KCNIP4: variants seen among roughly 807,000 people sequenced by gnomAD.
KCNIP4 encodes potassium voltage-gated channel interacting protein 4.
KCNIP4 carries 12 observed loss-of-function variants against 34.0 expected under a neutral mutation model. The observed-to-expected ratio is 0.35, with a 90% CI of 0.23 to 0.57. KCNIP4 has a LOEUF of 0.57. KCNIP4 is among the 20% of genes least tolerant of loss of function. The pLI, the probability that KCNIP4 is intolerant of heterozygous loss-of-function variation, is 0.83. For synonymous variants in KCNIP4, 124 were observed against 102.2 expected, an observed-to-expected ratio of 1.21 and a Z score of -1.29; for missense variants, 238 against 311.7, an observed-to-expected ratio of 0.76 and a Z score of 1.78.
chr4:20,921,230 G>A (rs191492041), intron 1 of KCNIP4, among the ~76,000 whole-genome samples: 14 of 152,250 alleles, frequency 9.2e-5, no homozygotes, highest in African/African-American at 2.2e-4. Flanking sequence ...CTAAGTTGAC[G>A]CCAATGTTTA....
intron 3 of KCNIP4, among the ~76,000 whole-genome samples, chr4:20,789,331 A>G (rs1578622768): frequency 6.6e-6 from 1 of 152,168 alleles, no homozygotes; most frequent in African/African-American, 2.4e-5. Context: ...AATTTGTCTC[A>G]TATAACAAAT....
intron 5 of KCNIP4, among the ~76,000 whole-genome samples, chr4:20,745,252 T>G (rs1018543869): frequency 1.3e-5 from 2 of 152,186 alleles, no homozygotes; most frequent in African/African-American, 4.8e-5. Context: ...TTCTAGTATT[T>G]GTGAACAAAA....
At chr4:20,882,497 A>T (rs1016009389) in intron 2 of KCNIP4, 111 bp downstream of exon 2, 6 of 742,952 alleles carry the variant, frequency 8.1e-6, no homozygotes, top group Admixed American at 4.8e-5. Flanking sequence ...ACATCAATAG[A>T]TTGCTTTTGT....
chr4:20,927,792 A>G (rs1408683967), intron 1 of KCNIP4, among the ~76,000 whole-genome samples: 1 of 152,178 alleles, frequency 6.6e-6, no homozygotes, highest in East Asian at 1.9e-4. Flanking sequence ...GTTGTATTCA[A>G]CTGAATAGTA....
chr4:21,316,954 C>A (rs114763289), intron 1 of KCNIP4, among the ~76,000 whole-genome samples: 4 of 152,052 alleles, frequency 2.6e-5, no homozygotes, highest in African/African-American at 9.7e-5. Context: ...ATAACTGGCT[C>A]GGGGTTTTAT....
intron 3 of KCNIP4, among the ~76,000 whole-genome samples, chr4:20,837,715 C>T (rs1296634718): frequency 6.9e-6 from 1 of 145,742 alleles, no homozygotes; most frequent in Non-Finnish European, 1.5e-5. Context: ...TGGAGTCTCG[C>T]TCTGTCACCC....
At chr4:21,885,760 T>C (rs2109392740) in intron 1 of KCNIP4, among the ~76,000 whole-genome samples, 1 of 152,272 alleles carries the variant, frequency 6.6e-6, no homozygotes, top group African/African-American at 2.4e-5. Flanking sequence ...TCCAATAAAA[T>C]AGATTGCTAG....
At chr4:21,337,276 C>A (rs1716271237) in intron 1 of KCNIP4, among the ~76,000 whole-genome samples, 1 of 151,926 alleles carries the variant, frequency 6.6e-6, no homozygotes, top group Non-Finnish European at 1.5e-5. Flanking sequence ...ATTTTTAAAC[C>A]CCTCAAAGCA....
intron 1 of KCNIP4, among the ~76,000 whole-genome samples, chr4:21,348,160 T>C (rs939765609): frequency 6.6e-6 from 1 of 152,154 alleles, no homozygotes; most frequent in Admixed American, 6.6e-5. Flanking sequence ...GCTTGACTGG[T>C]ATATCGATTT....
chr4:21,001,988 T>C lies in KCNIP4; in HGVS notation c.62-119279A>G, dbSNP rs1738177823. 2.6e-5 allele frequency among the ~76,000 whole-genome samples: 4 copies of C among 152,306 alleles called. No individual in the cohort carries two copies. In the Middle Eastern group the frequency reaches 0.01, roughly 391 times the overall value. ...CATTAAAACCCTTTGTAACTTATAA[T>C]ACAGTTGAAAGGCCAACATTGTTTC... On this transcript the variant is annotated intron_variant, in intron 1 of 8. Coordinates refer to ENST00000382152, the MANE Select transcript of KCNIP4 (RefSeq NM_025221.6).
chr4:21,670,422 G>A (rs920255251), intron 1 of KCNIP4, among the ~76,000 whole-genome samples: 1 of 132,546 alleles, frequency 7.5e-6, no homozygotes, highest in African/African-American at 2.9e-5. Context: ...GGACTGTGGT[G>A]GGGTCGGGGG....
Position 21,808,136 on chromosome 4 carries a change from T to C in KCNIP4, c.61+140435A>G, listed in dbSNP as rs558653675. Among the ~76,000 whole-genome samples the C allele has an allele frequency of 2.6e-5, 4 of 152,260 alleles. 1 individual carries two copies. The East Asian group carries it at 7.7e-4, about 29-fold the overall frequency. Reference sequence around the variant, plus strand: ...GGGTAGAAAGGATAATACTTAGTGGTTTCTGGACTTGAGATATAGTTTTGA... The same window carrying C: ...GGGTAGAAAGGATAATACTTAGTGGCTTCTGGACTTGAGATATAGTTTTGA... On this transcript the variant is annotated intron_variant, in intron 1 of 8. Coordinates refer to ENST00000382152, the MANE Select transcript of KCNIP4 (RefSeq NM_025221.6).
intron 1 of KCNIP4, among the ~76,000 whole-genome samples, chr4:21,061,371 T>C (rs1743900891): frequency 2.0e-5 from 3 of 152,156 alleles, no homozygotes; most frequent in Admixed American, 2.0e-4. Flanking sequence ...GTTTACTGGC[T>C]TATAATATGC....
intron 1 of KCNIP4, among the ~76,000 whole-genome samples, chr4:21,869,777 GA>G (rs1725663206): frequency 6.7e-6 from 1 of 150,368 alleles, no homozygotes; most frequent in Non-Finnish European, 1.5e-5. Flanking sequence ...TAGATAGATA[GA>G]TAGATAGACA....
At chr4:21,597,404 C>T (rs1262857194) in intron 1 of KCNIP4, among the ~76,000 whole-genome samples, 3 of 152,080 alleles carry the variant, frequency 2.0e-5, no homozygotes, top group Non-Finnish European at 4.4e-5. Flanking sequence ...TATCCAGTCT[C>T]GGGTATGTCT....
chr4:21,120,411 T>C (rs1750052251), intron 1 of KCNIP4, among the ~76,000 whole-genome samples: 1 of 152,192 alleles, frequency 6.6e-6, no homozygotes, highest in Non-Finnish European at 1.5e-5. Flanking sequence ...CCTGTTTTTC[T>C]GTGTCTGTAT....
At chr4:21,642,422 T>C (rs1746680328) in intron 1 of KCNIP4, among the ~76,000 whole-genome samples, 1 of 152,168 alleles carries the variant, frequency 6.6e-6, no homozygotes, top group Non-Finnish European at 1.5e-5. Context: ...GTGTCAGCTA[T>C]GAGACAGTAC....
chr4:21,111,814 A>G lies in KCNIP4; in HGVS notation c.62-229105T>C, dbSNP rs529885752. On this transcript the variant is annotated intron_variant, in intron 1 of 8. Coordinates refer to ENST00000382152, the MANE Select transcript of KCNIP4 (RefSeq NM_025221.6). Reference sequence around the variant, plus strand: ...CAGTGCGGAGAAATGATGGAGACCCAGACATGACCCACGTCATGCCCACCC... The same window carrying G: ...CAGTGCGGAGAAATGATGGAGACCCGGACATGACCCACGTCATGCCCACCC... 2.0e-5 allele frequency among the ~76,000 whole-genome samples: 3 copies of G among 152,336 alleles called. No individual in the cohort carries two copies. In the South Asian group the frequency reaches 6.2e-4, roughly 32 times the overall value.
At position 21,772,768 on chromosome 4, in the gene KCNIP4, C is replaced by A. The variant is rs1158947661; in HGVS notation, c.61+175803G>T. Among the ~76,000 whole-genome samples the A allele has an allele frequency of 4.6e-5, 7 of 151,998 alleles. No individual in the cohort carries two copies. The East Asian group carries it at 1.4e-3, about 29-fold the overall frequency. On this transcript the variant is annotated intron_variant, in intron 1 of 8. Transcript: ENST00000382152. ...TATTTCTGTGCAGTCAGTGACGATA[C>A]CCCCTTTATCATTTTTTATTGCATC... is the stretch of plus-strand genomic sequence containing the variant.
Sources: allele counts gnomAD v4.1 joint callset (sites outside exome capture counted in the v4.1 genomes callset), GRCh38; gene constraint gnomAD v4.1.1; transcripts MANE v1.5; gene names NCBI Gene and HGNC (gene_info 2026-07-23, HGNC 2026-07-21).